ADAM7: variants seen among roughly 807,000 people sequenced by gnomAD.
ADAM7 encodes disintegrin and metalloproteinase domain-containing protein 7.
In ADAM7, 97 loss-of-function variants were observed where a neutral mutation model predicts 102.9. The observed-to-expected ratio is 0.94, with a 90% CI of 0.80 to 1.12. The LOEUF (loss-of-function observed/expected upper bound fraction) is 1.12, where lower values mean the gene tolerates loss of function less well. Among genes scored for constraint, ADAM7 ranks in the 50% most tolerant of loss-of-function variants. The pLI is 0.00. For missense variants in ADAM7, 991 were observed against 908.7 expected (o/e 1.09, Z -1.16); for synonymous variants, 334 against 304.4 (o/e 1.10, Z -1.01).
At chr8:24,505,856 G>A (rs765560615) in intron 20 of ADAM7, among the ~76,000 whole-genome samples, 36 of 152,068 alleles carry the variant, frequency 2.4e-4, no homozygotes, top group Non-Finnish European at 3.5e-4. Context: ...GGAATTTCAG[G>A]CATACAGTCA....
chr8:24,480,852 C>A (rs1219367965), intron 8 of ADAM7, among the ~76,000 whole-genome samples: 1 of 151,866 alleles, frequency 6.6e-6, no homozygotes, highest in African/African-American at 2.4e-5. Context: ...CTAGACTGGG[C>A]AACAAACTGA....
intron 3 of ADAM7, among the ~76,000 whole-genome samples, chr8:24,458,097 C>G (rs530941564): frequency 6.6e-6 from 1 of 152,252 alleles, no homozygotes; most frequent in African/African-American, 2.4e-5. Flanking sequence ...ATTACTGCAG[C>G]TTTTTAGTAT....
At chr8:24,500,769 C>G in intron 18 of ADAM7, 21 bp from the exon 19 acceptor site, 1 of 1,588,894 alleles carries the variant, frequency 6.3e-7, no homozygotes, top group Non-Finnish European at 8.6e-7. Context: ...TCGATGAAGC[C>G]CATGTTTCTT....
At chr8:24,464,565 T>TA (rs1381351699) in intron 4 of ADAM7, among the ~76,000 whole-genome samples, 2 of 152,210 alleles carry the variant, frequency 1.3e-5, no homozygotes, top group African/African-American at 4.8e-5. Context: ...CCTATACATT[T>TA]AAAAAAGTAT....
intron 3 of ADAM7, among the ~76,000 whole-genome samples, chr8:24,461,997 C>T (rs542060591): frequency 1.8e-4 from 28 of 152,260 alleles, no homozygotes; most frequent in Middle Eastern, 6.8e-3. Context: ...ATCATCTTTT[C>T]TCTTGACGAT....
At chr8:24,482,872 G>T (rs900327008) in intron 9 of ADAM7, among the ~76,000 whole-genome samples, 1 of 152,120 alleles carries the variant, frequency 6.6e-6, no homozygotes, top group Admixed American at 6.6e-5. Flanking sequence ...AATGCCATTA[G>T]GTAAGCAAAG....
At chr8:24,444,515 T>A (rs1818482213) in intron 2 of ADAM7, among the ~76,000 whole-genome samples, 1 of 151,930 alleles carries the variant, frequency 6.6e-6, no homozygotes, top group African/African-American at 2.4e-5. Context: ...TAACACTTGC[T>A]AAGTCCTGTG....
At position 24,482,003 on chromosome 8, in the gene ADAM7, A is replaced by G. The variant is rs560479929; in HGVS notation, c.706-139A>G. On this transcript the variant is annotated intron_variant, in intron 8 of 21. Coordinates refer to ENST00000175238, the MANE Select transcript of ADAM7 (RefSeq NM_003817.4). The stretch of plus-strand genomic sequence containing the variant: ...TCCCATTTTGATATATCTGTTTGCA[A>G]CATGAGGCTTGCACTGTTTACTAAT... 55 of 565,592 alleles carry G rather than the reference A, an allele frequency of 9.7e-5. No individual in the cohort carries two copies. The Middle Eastern group carries it at 1.5e-3, about 15-fold the overall frequency. 35.0% of individuals were successfully genotyped at this position (565,592 alleles called of 1,614,324 possible). A position where few individuals can be genotyped will look rare whatever the true frequency, so the allele number is the denominator to read the frequency against.
chr8:24,455,734 T>C lies in ADAM7; in HGVS notation c.234-8148T>C, dbSNP rs755098534. Among the ~76,000 whole-genome samples the C allele has an allele frequency of 1.3e-5, 2 of 152,250 alleles. 1 individual carries two copies. The highest frequency in any genetic ancestry group is 2.9e-5 in the Non-Finnish European group (2 of 68,040). On this transcript the variant is annotated intron_variant, in intron 3 of 21. Transcript: ENST00000175238. ...TATAGGTTTACACTGAATTTTTTCT[T>C]TGTATAACATTTTCATAAAATGAAA...
rs747949424 is a variant in ADAM7, at chr8:24,482,251, C to A, written c.815C>A (p.Ser272Ter). The A allele has an allele frequency of 1.9e-6, 3 of 1,610,726 alleles. No homozygotes were observed. Among genetic ancestry groups the A allele is most frequent in the Non-Finnish European group, 2.5e-6 (3 of 1,178,956 alleles). ...ATAGAAACTACCTTATTGCGTTTTT[C>A]ATTTTGGCAAGAAAAGATCCTTAAA... ...SNIETTLLRFSFWQEKILKTR... is the reference protein window; with the variant it reads ...SNIETTLLRF Residue 272 changes from serine to a stop codon, truncating the protein, a stop_gained, in exon 9 of 22, where the codon TCA (serine) becomes TAA (stop). Transcript: ENST00000175238. LOFTEE classifies it high-confidence loss of function.
intron 2 of ADAM7, among the ~76,000 whole-genome samples, chr8:24,442,809 T>C (rs1818420384): frequency 1.9e-5 from 1 of 53,368 alleles, no homozygotes. Context: ...GTTTATGGAG[T>C]TCCACCAACA....
intron 3 of ADAM7, among the ~76,000 whole-genome samples, chr8:24,452,447 G>GT (rs1420214209): frequency 6.7e-6 from 1 of 149,892 alleles, no homozygotes; most frequent in Non-Finnish European, 1.5e-5. Flanking sequence ...TTTACAGTCT[G>GT]TTTTATCAGA....
At chr8:24,482,592 T>C (rs1272432352) in intron 9 of ADAM7, among the ~76,000 whole-genome samples, 3 of 151,866 alleles carry the variant, frequency 2.0e-5, no homozygotes, top group African/African-American at 7.3e-5. Flanking sequence ...GTACAAAAAA[T>C]TTAAAAATTA....
chr8:24,486,587 G>T (rs1389889654), intron 10 of ADAM7, among the ~76,000 whole-genome samples: 1 of 152,158 alleles, frequency 6.6e-6, no homozygotes. Context: ...AGAAACAATA[G>T]AAAGTTATTT....
intron 20 of ADAM7, among the ~76,000 whole-genome samples, chr8:24,502,474 GAGA>G (rs1820795856): frequency 6.6e-6 from 1 of 151,944 alleles, no homozygotes; most frequent in Admixed American, 6.6e-5. Context: ...AATGTATTTT[GAGA>G]AGATTAATAA....
Position 24,482,267 on chromosome 8 carries a change from G to A in ADAM7, c.831G>A (p.Lys277=). The change falls in exon 9 of 22, where the codon AAG becomes AAA. Residue 277 remains lysine, a synonymous_variant. Transcript: ENST00000175238. ...TGCGTTTTTCATTTTGGCAAGAAAA[G>A]ATCCTTAAAACACGGAAGGATTTTG... The part of the protein sequence containing the change: ...TLLRFSFWQE[K]ILKTRKDFDH... The A allele has an allele frequency of 1.2e-6, 2 of 1,611,142 alleles. No homozygotes were observed. The highest frequency in any genetic ancestry group is 3.4e-5 in the Admixed American group (2 of 59,544).
intron 16 of ADAM7, among the ~76,000 whole-genome samples, chr8:24,496,399 A>G (rs1047044008): frequency 6.6e-6 from 1 of 152,214 alleles, no homozygotes; most frequent in African/African-American, 2.4e-5. Flanking sequence ...TTGCTGAGGC[A>G]TTGCCTAGTG....
intron 3 of ADAM7, among the ~76,000 whole-genome samples, chr8:24,450,229 G>A (rs369592409): frequency 2.6e-5 from 4 of 152,066 alleles, no homozygotes; most frequent in Admixed American, 6.6e-5. Flanking sequence ...GAATCTGTAA[G>A]TTACCTTGGG....
chr8:24,468,593 G>A (rs1034696501), intron 6 of ADAM7, among the ~76,000 whole-genome samples, 174 bp from the exon 7 acceptor site: 11 of 152,054 alleles, frequency 7.2e-5, no homozygotes, highest in East Asian at 3.9e-4. Flanking sequence ...ATGTTTAATC[G>A]TATAGATCTC....
Sources: allele counts gnomAD v4.1 joint callset (sites outside exome capture counted in the v4.1 genomes callset), GRCh38; gene constraint gnomAD v4.1.1; transcripts MANE v1.5; gene names NCBI Gene and HGNC (gene_info 2026-07-23, HGNC 2026-07-21).